Variants in LRRC75B observed in about 807,000 individuals in gnomAD.
The protein encoded by LRRC75B is leucine rich repeat containing 75B.
A neutral mutation model predicts 16.5 loss-of-function variants in LRRC75B; 20 were observed. The observed-to-expected ratio is 1.21, with a 90% confidence interval of 0.85 to 1.76. The LOEUF is 1.76. Ranked by LOEUF, LRRC75B falls within the 40% of genes most tolerant of loss-of-function variation. LRRC75B has a pLI of 0.00. For synonymous variants in LRRC75B, 199 were observed against 198.1 expected (o/e 1.00, Z -0.04); for missense variants, 406 against 417.0 (o/e 0.97, Z 0.23).
At chr22:24,591,484 C>G (rs1031661125) in intron 1 of LRRC75B, among the ~76,000 whole-genome samples, 6 of 152,204 alleles carry the variant, frequency 3.9e-5, no homozygotes, top group African/African-American at 1.4e-4. Flanking sequence ...GTGATATGCT[C>G]TGTGCGTGGG....
chr22:24,592,838 A>AG, intron 1 of LRRC75B, 25 bp downstream of exon 1: 1 of 1,273,714 alleles, frequency 7.9e-7, no homozygotes, highest in Non-Finnish European at 9.9e-7. Context: ...CCGCCAGCCC[A>AG]GGGGCGGACG....
chr22:24,587,831 T>A (rs1007976730), intron 3 of LRRC75B, among the ~76,000 whole-genome samples: 3 of 152,054 alleles, frequency 2.0e-5, no homozygotes, highest in African/African-American at 7.2e-5. Flanking sequence ...AAAATGAGAA[T>A]CGCGATCCAG....
chr22:24,592,839 G>T, intron 1 of LRRC75B, 24 bp downstream of exon 1: 2 of 1,276,694 alleles, frequency 1.6e-6, no homozygotes, highest in Non-Finnish European at 2.0e-6. Context: ...CGCCAGCCCA[G>T]GGGCGGACGG....
rs1387884172 is a variant in LRRC75B at position 24,586,276 on chromosome 22, G to C, written c.558C>G (p.Asp186Glu). The change falls in exon 4 of 4, where the codon GAC becomes GAG. Residue 186 changes from aspartate to glutamate, a missense_variant. Asp to Glu is a conservative substitution (Grantham distance 45). Coordinates refer to ENST00000318753, the MANE Select transcript of LRRC75B (RefSeq NM_207644.3). ...SSHGAVLAVLDLSFTGLSDEL... is the reference protein window; with the variant it reads ...SSHGAVLAVLELSFTGLSDEL... ...CATCACTCAGCCCCGTGAAGCTCAG[G>C]TCCAGCACCGCCAGCACAGCACCAT... 1.2e-6 allele frequency: 2 copies of C among 1,613,894 alleles called. No homozygotes were observed. Among genetic ancestry groups the C allele is most frequent in the Non-Finnish European group, 8.5e-7 (1 of 1,180,038 alleles).
intron 3 of LRRC75B, among the ~76,000 whole-genome samples, chr22:24,586,705 A>G (rs964799130): frequency 3.3e-5 from 5 of 152,120 alleles, no homozygotes; most frequent in Admixed American, 2.6e-4. Context: ...CTAATTTTGT[A>G]TTTTTAGTAG....
rs1555895095 is a variant in LRRC75B at position 24,588,283 on chromosome 22, A to G, written c.353T>C (p.Ile118Thr). The change falls in exon 3 of 4, where the codon ATC becomes ACC. Residue 118 changes from isoleucine to threonine, a missense_variant. By Grantham distance (89) the Ile-to-Thr change is moderately conservative. Transcript: ENST00000318753. ...CTTCGAGTGAGGGGTGAGGTGGTAG[A>G]TGAGCTGTCGGCAGATCTTGTCCGA... ...KSSDKICRQL[I>T]YHLTPHSKQQ... is the part of the protein sequence containing the mutation. The G allele has an allele frequency of 6.2e-7, 1 of 1,613,576 alleles. No individual in the cohort carries two copies. Among genetic ancestry groups the G allele is most frequent in the South Asian group, 1.1e-5 (1 of 90,868 alleles).
chr22:24,591,009 C>T (rs2045552603), intron 1 of LRRC75B, among the ~76,000 whole-genome samples: 1 of 152,246 alleles, frequency 6.6e-6, no homozygotes, highest in Admixed American at 6.5e-5. Flanking sequence ...CCCTGGCCTT[C>T]CTGCCTCACT....
At chr22:24,592,797 C>G in intron 1 of LRRC75B, 66 bp downstream of exon 1, 2 of 1,233,878 alleles carry the variant, frequency 1.6e-6, no homozygotes, top group Non-Finnish European at 2.0e-6. Context: ...CCCGCGCCTC[C>G]CAGACCCCCA....
intron 1 of LRRC75B, 120 bp downstream of exon 1, chr22:24,592,743 G>C: frequency 7.8e-7 from 1 of 1,287,134 alleles, no homozygotes; most frequent in Non-Finnish European, 9.9e-7. Flanking sequence ...CCAGAGACCA[G>C]CTCCGCCTCG....
In LRRC75B at chr22:24,586,146, C is replaced by T; in HGVS notation, c.688G>A (p.Asp230Asn). The change falls in exon 4 of 4, where the codon GAT (aspartate) becomes AAT (asparagine). Residue 230 changes from aspartate (D) to asparagine (N), a missense_variant. Physicochemically the swap from Asp to Asn is conservative, Grantham distance 23. Coordinates refer to ENST00000318753, the MANE Select transcript of LRRC75B (RefSeq NM_207644.3). ...LTRATARKLT[D>N]AIKDTTKFPA... ...AACTTGGTGGTGTCCTTGATGGCATCAGTGAGCTTGCGGGCAGTGGCCCGC... is the reference window on the plus strand; with the variant it reads ...AACTTGGTGGTGTCCTTGATGGCATTAGTGAGCTTGCGGGCAGTGGCCCGC... 1 of 1,613,488 alleles carries T rather than the reference C, an allele frequency of 6.2e-7. No homozygotes were observed. Among genetic ancestry groups the T allele is most frequent in the Non-Finnish European group, 8.5e-7 (1 of 1,179,976 alleles).
rs777594887 is a variant in LRRC75B at position 24,586,038 on chromosome 22, G to C, written c.796C>G (p.Arg266Gly). 1 of 1,611,124 alleles carries C rather than the reference G, an allele frequency of 6.2e-7. No individual in the cohort carries two copies. The highest frequency in any genetic ancestry group is 8.5e-7 in the Non-Finnish European group (1 of 1,179,906). Residue 266 changes from arginine to glycine, a missense_variant, in exon 4 of 4, where the codon CGG (arginine) becomes GGG (glycine). By Grantham distance (125) the Arg-to-Gly change is moderately radical. Transcript: ENST00000318753. ...GGGAGTGAGGTGCGCTGGCTCAGCC[G>C]CCGGCGCAGGCCGACCAGCAGGGGC... ...PQPLLVGLRR[R>G]LSQRTSLPTI...
In LRRC75B at chr22:24,585,823, C is replaced by T. The variant is rs1268820737; in HGVS notation, c.*63G>A. ...CCTGTGAGTCCTCCTTGACCTTCAT[C>T]GCCCACTATCATGTGCTTGAGAGCA... On this transcript the variant is annotated 3_prime_UTR_variant, in exon 4 of 4. Transcript: ENST00000318753. The T allele has an allele frequency of 4.3e-5, 61 of 1,427,816 alleles. No individual in the cohort carries two copies. In the Middle Eastern group the frequency reaches 5.8e-4, roughly 13 times the overall value. 88.4% of individuals were successfully genotyped at this position (1,427,816 alleles called of 1,614,324 possible). A position where few individuals can be genotyped will look rare whatever the true frequency, so the allele number is the denominator to read the frequency against.
chr22:24,590,728 T>G (rs1263128901), intron 1 of LRRC75B, among the ~76,000 whole-genome samples: 2 of 152,260 alleles, frequency 1.3e-5, no homozygotes, highest in East Asian at 3.9e-4. Flanking sequence ...GATCCTTCCC[T>G]TGGGGGCGGA....
At position 24,585,996 on chromosome 22, in the gene LRRC75B, G is replaced by C. The variant is rs1346107702; in HGVS notation, c.838C>G (p.Leu280Val). The change falls in exon 4 of 4, where the codon CTG becomes GTG. Residue 280 changes from leucine (L) to valine (V), a missense_variant. Leu to Val is a conservative substitution (Grantham distance 32). Coordinates refer to ENST00000318753, the MANE Select transcript of LRRC75B (RefSeq NM_207644.3). ...GCACTGCCCTCAGGCTCAAGGTCCA[G>C]GCCCTCGTAGATGGTGGGGAGTGAG... is the stretch of plus-strand genomic sequence containing the variant. The part of the protein sequence containing the change: ...RTSLPTIYEG[L>V]DLEPEGSAAG... 2 of 1,610,654 alleles carry C rather than the reference G, an allele frequency of 1.2e-6. No individual in the cohort carries two copies. Among genetic ancestry groups the C allele is most frequent in the East Asian group, 4.5e-5 (2 of 44,888 alleles).
At chr22:24,589,535 G>A (rs2045505484) in intron 2 of LRRC75B, 1 of 453,726 alleles carries the variant, frequency 2.2e-6, no homozygotes, top group Non-Finnish European at 3.4e-6. Context: ...CCCAGCTATA[G>A]TCTTCCTGGT....
chr22:24,589,011 G>A (rs1569036825), intron 2 of LRRC75B: 2 of 1,021,182 alleles, frequency 2.0e-6, no homozygotes, highest in Admixed American at 5.8e-5. Flanking sequence ...GGAGCAGGCA[G>A]CACACACAGC....
intron 2 of LRRC75B, chr22:24,589,418 C>G: frequency 9.8e-7 from 1 of 1,021,930 alleles, no homozygotes; most frequent in Non-Finnish European, 1.2e-6. Flanking sequence ...GGGCTCTAGC[C>G]GAGAGCGGCT....
chr22:24,591,601 A>G (rs2147171733), intron 1 of LRRC75B, among the ~76,000 whole-genome samples: 1 of 152,268 alleles, frequency 6.6e-6, no homozygotes, highest in Middle Eastern at 3.4e-3. Context: ...TCAAATCCCA[A>G]CCTCTGAGAC....
chr22:24,592,885 T>C lies in LRRC75B; in HGVS notation c.155A>G (p.Gln52Arg). Residue 52 changes from glutamine (Q) to arginine (R), a missense_variant, in exon 1 of 4, where the codon CAG (glutamine) becomes CGG (arginine). Coordinates refer to ENST00000318753, the MANE Select transcript of LRRC75B (RefSeq NM_207644.3). ...LRERRPERAR[Q>R]LLRLLRQDLG... ...CGCCTGGCGCAGGAGGCGCAGCAGC[T>C]GCCGGGCGCGCTCCGGCCGCCGCTC... The C allele has an allele frequency of 7.8e-7, 1 of 1,280,762 alleles. No individual in the cohort carries two copies. The highest frequency in any genetic ancestry group is 9.9e-7 in the Non-Finnish European group (1 of 1,013,544). The allele number at this position is 1,280,762 out of a possible 1,614,324, so 79.3% of individuals were successfully genotyped here.
Sources: gnomAD v4.1 joint callset for allele counts (sites outside exome capture counted in the v4.1 genomes callset) on GRCh38, gnomAD v4.1.1 for gene constraint, MANE v1.5 for transcripts, NCBI Gene and HGNC (gene_info 2026-07-23, HGNC 2026-07-21) for gene names.